The following HP1BP3 variants were observed in gnomAD, a reference collection of about 807,000 sequenced individuals.
HP1BP3 encodes the protein heterochromatin protein 1-binding protein 3.
Under a neutral mutation model 62.5 loss-of-function variants are expected in HP1BP3, and 12 were observed. The observed-to-expected ratio is 0.19, with a 90% CI of 0.12 to 0.31. The LOEUF (loss-of-function observed/expected upper bound fraction) is 0.31. Among genes scored for constraint, HP1BP3 ranks in the 10% least tolerant of loss-of-function variants. The pLI is 1.00. For missense variants in HP1BP3, 502 were observed against 651.8 expected (o/e 0.77, Z 2.50); for synonymous variants, 260 against 237.8 (o/e 1.09, Z -0.86).
intron 1 of HP1BP3, among the ~76,000 whole-genome samples, chr1:20,784,099 A>G (rs887659793): frequency 1.2e-4 from 18 of 152,084 alleles, no homozygotes; most frequent in Admixed American, 1.2e-3. Flanking sequence ...TCTCCCTAGT[A>G]GCTGGGACTA....
intron 10 of HP1BP3, 109 bp from the exon 11 acceptor site, chr1:20,747,764 T>C (rs1282763978): frequency 3.1e-6 from 2 of 653,936 alleles, no homozygotes; most frequent in Non-Finnish European, 5.5e-6. Flanking sequence ...ATACGGTAAT[T>C]GACATACACT....
intron 5 of HP1BP3, 67 bp downstream of exon 5, chr1:20,773,384 C>A: frequency 7.2e-7 from 1 of 1,396,726 alleles, no homozygotes; most frequent in East Asian, 2.3e-5. Flanking sequence ...CAGATATATG[C>A]CATTTTCAAA....
intron 8 of HP1BP3, among the ~76,000 whole-genome samples, chr1:20,765,064 G>C (rs1186934419): frequency 6.6e-6 from 1 of 151,112 alleles, no homozygotes; most frequent in Admixed American, 6.6e-5. Context: ...AGCTACCCGG[G>C]AGGCGGAGGC....
Position 20,751,177 on chromosome 1 carries a change from T to G in HP1BP3, c.982-1295A>C, listed in dbSNP as rs1570561392. Among the ~76,000 whole-genome samples, 3 of 152,254 alleles carry G rather than the reference T, an allele frequency of 2.0e-5. No homozygotes were observed. The Middle Eastern group carries it at 0.01, about 518-fold the overall frequency. ...TTTTCTTTTCTCTAGCTTGCTTTAT[T>G]ATAAGAGTACATTATATAATACATA... On this transcript the variant is annotated intron_variant, in intron 9 of 12. Transcript: ENST00000438032.
chr1:20,774,031 T>C (rs936842286), intron 4 of HP1BP3: 1 of 153,210 alleles, frequency 6.5e-6, no homozygotes, highest in South Asian at 2.1e-4. Context: ...GTAAATGATG[T>C]GAGTCTTTCT....
chr1:20,781,591 CATACTT>C, intron 1 of HP1BP3, among the ~76,000 whole-genome samples: 1 of 152,326 alleles, frequency 6.6e-6, no homozygotes, highest in East Asian at 1.9e-4. Flanking sequence ...GTAACACACT[CATACTT>C]AGGGAACCAG....
At chr1:20,746,914 ATT>A (rs2055374746) in intron 11 of HP1BP3, among the ~76,000 whole-genome samples, 1 of 152,096 alleles carries the variant, frequency 6.6e-6, no homozygotes, top group Non-Finnish European at 1.5e-5. Flanking sequence ...TACGTGGGAT[ATT>A]GAGGTGGGAG....
rs760069300 is a variant in HP1BP3 at position 20,749,756 on chromosome 1, C to T, written c.1108G>A (p.Glu370Lys). 6.2e-7 allele frequency: 1 copy of T among 1,613,824 alleles called. No homozygotes were observed. Among genetic ancestry groups the T allele is most frequent in the South Asian group, 1.1e-5 (1 of 91,048 alleles). Residue 370 changes from glutamate (E) to lysine (K), a missense_variant, in exon 10 of 13, where the codon GAG (glutamate) becomes AAG (lysine). Transcript: ENST00000438032. ...TTAGAATTGGTTCCTGGGTGATTCT[C>T]TAGGACATACTTCTTCAGAGCAGTG... ...STTALKKYVL[E>K]NHPGTNSNYQ...
intron 9 of HP1BP3, among the ~76,000 whole-genome samples, chr1:20,755,862 C>T (rs1236739268): frequency 1.3e-5 from 2 of 152,092 alleles, no homozygotes; most frequent in Non-Finnish European, 2.9e-5. Context: ...AATTCAAAAA[C>T]ATCATGCCAA....
chr1:20,754,249 ATTC>A (rs2055957248), intron 9 of HP1BP3, among the ~76,000 whole-genome samples: 1 of 152,218 alleles, frequency 6.6e-6, no homozygotes, highest in Non-Finnish European at 1.5e-5. Flanking sequence ...CACTTCCACC[ATTC>A]AAGACAGCAT....
chr1:20,782,905 A>G (rs1642711831), intron 1 of HP1BP3, among the ~76,000 whole-genome samples: 1 of 115,450 alleles, frequency 8.7e-6, no homozygotes, highest in Non-Finnish European at 1.8e-5. Flanking sequence ...TTCTCAAAAA[A>G]AAGAAAAAAA....
At chr1:20,773,088 G>C (rs1007122729) in intron 5 of HP1BP3, among the ~76,000 whole-genome samples, 55 of 152,242 alleles carry the variant, frequency 3.6e-4, no homozygotes, top group African/African-American at 1.3e-3. Context: ...GACTTTGCTA[G>C]CCTTAGTTAA....
intron 4 of HP1BP3, chr1:20,775,875 G>T: frequency 1.5e-6 from 2 of 1,309,586 alleles, no homozygotes; most frequent in South Asian, 3.0e-5. Flanking sequence ...TTGGCACGAT[G>T]ATGAAATCGC....
chr1:20,747,678 G>C (rs554938593), intron 10 of HP1BP3, 23 bp from the exon 11 acceptor site: 15 of 1,434,970 alleles, frequency 1.0e-5, no homozygotes, highest in Middle Eastern at 3.5e-4. Flanking sequence ...ATTCAGAAAT[G>C]AAAGTTATCT....
At chr1:20,783,681 A>G (rs559593909) in intron 1 of HP1BP3, among the ~76,000 whole-genome samples, 3 of 150,388 alleles carry the variant, frequency 2.0e-5, no homozygotes, top group African/African-American at 7.4e-5. Context: ...CAGGCAGGAG[A>G]ATCACTTGAA....
At chr1:20,759,755 G>A (rs921255128) in intron 8 of HP1BP3, among the ~76,000 whole-genome samples, 1 of 152,144 alleles carries the variant, frequency 6.6e-6, no homozygotes, top group Non-Finnish European at 1.5e-5. Flanking sequence ...GGCTTATGGG[G>A]AAAAATACAT....
chr1:20,753,705 C>CT (rs2055921054), intron 9 of HP1BP3, among the ~76,000 whole-genome samples: 1 of 152,180 alleles, frequency 6.6e-6, no homozygotes, highest in African/African-American at 2.4e-5. Flanking sequence ...GGCAACTAAA[C>CT]TTTAAAGAAT....
At chr1:20,767,811 A>C in intron 6 of HP1BP3, 147 bp from the exon 7 acceptor site, 1 of 603,694 alleles carries the variant, frequency 1.7e-6, no homozygotes. Flanking sequence ...CAGAGTCAAA[A>C]GACTTCAGAT....
At position 20,743,243 on chromosome 1, in the gene HP1BP3, T is replaced by C. The variant is rs1157835950; in HGVS notation, c.*1554A>G. ...GAATCTAGTTTATTTTACCAAACTGTATATTTTTCCACTTAACATTTCTAC... is the reference window on the plus strand; with the variant it reads ...GAATCTAGTTTATTTTACCAAACTGCATATTTTTCCACTTAACATTTCTAC... On this transcript the variant is annotated 3_prime_UTR_variant, in exon 13 of 13. Transcript: ENST00000438032. The C allele has an allele frequency of 2.0e-5, 3 of 152,610 alleles. No individual in the cohort carries two copies. The highest frequency in any genetic ancestry group is 4.4e-5 in the Non-Finnish European group (3 of 68,032). The allele number at this position is 152,610 out of a possible 1,614,324, so 9.5% of individuals were successfully genotyped here.
Sources: gnomAD v4.1 joint callset for allele counts (sites outside exome capture counted in the v4.1 genomes callset) on GRCh38, gnomAD v4.1.1 for gene constraint, MANE v1.5 for transcripts, NCBI Gene and HGNC (gene_info 2026-07-23, HGNC 2026-07-21) for gene names.